The following ANKRD30A variants were observed in gnomAD, a reference collection of about 807,000 sequenced individuals.
ANKRD30A encodes ankyrin repeat domain 30A.
ANKRD30A carries 170 observed loss-of-function variants against 166.3 expected under a neutral mutation model. The observed-to-expected ratio is 1.02, with a 90% confidence interval of 0.90 to 1.16. The LOEUF (loss-of-function observed/expected upper bound fraction) is 1.16, where lower values mean the gene tolerates loss of function less well. ANKRD30A is among the 50% of genes most tolerant of loss of function. The pLI is 0.00. For missense variants in ANKRD30A, 1,630 were observed against 1,518.0 expected, an observed-to-expected ratio of 1.07 and a Z score of -1.23; for synonymous variants, 564 against 508.9, an observed-to-expected ratio of 1.11 and a Z score of -1.46.
chr10:37,249,733 T>G, the ANKRD30A span, among the ~76,000 whole-genome samples: 1 of 151,858 alleles, frequency 6.6e-6, no homozygotes, highest in African/African-American at 2.4e-5. Context: ...ACTTAAAGGG[T>G]GGAAGATGGG....
chr10:37,151,985 T>C, intron 11 of ANKRD30A, 75 bp from the exon 12 acceptor site: 1 of 1,327,256 alleles, frequency 7.5e-7, no homozygotes, highest in African/African-American at 1.5e-5. Context: ...TGAATGAAAG[T>C]AGATTTGTAT....
At chr10:37,223,555 G>A (rs1471565222) in intron 34 of ANKRD30A, among the ~76,000 whole-genome samples, 2 of 151,292 alleles carry the variant, frequency 1.3e-5, no homozygotes, top group Non-Finnish European at 3.0e-5. Flanking sequence ...CTTATTGTTA[G>A]CATTTAGTAT....
chr10:37,262,280 A>T, the ANKRD30A span, among the ~76,000 whole-genome samples: 3 of 152,170 alleles, frequency 2.0e-5, no homozygotes, highest in Non-Finnish European at 2.9e-5. Flanking sequence ...CCATCACTAG[A>T]TTGAGAGCTC....
the ANKRD30A span, among the ~76,000 whole-genome samples, chr10:37,257,083 G>A: frequency 2.6e-5 from 4 of 152,046 alleles, no homozygotes; most frequent in South Asian, 4.2e-4. Flanking sequence ...CTTGTTATGG[G>A]TCTATTCAGG....
chr10:37,191,541 G>C (rs1840578389), intron 25 of ANKRD30A, among the ~76,000 whole-genome samples: 1 of 151,852 alleles, frequency 6.6e-6, no homozygotes, highest in South Asian at 2.1e-4. Context: ...GTCATGATTT[G>C]CTCCTGTGAT....
At position 37,201,256 on chromosome 10, in the gene ANKRD30A, C is replaced by A; in HGVS notation, c.2800C>A (p.Gln934Lys). 6.3e-7 allele frequency: 1 copy of A among 1,585,612 alleles called. No individual in the cohort carries two copies. The highest frequency in any genetic ancestry group is 8.6e-7 in the Non-Finnish European group (1 of 1,168,916). Residue 934 changes from glutamine to lysine, a missense_variant, in exon 31 of 36, where the codon CAG (glutamine) becomes AAG (lysine). Gln to Lys is a moderately conservative substitution (Grantham distance 53, BLOSUM62 1). Around this residue, in one of 4 missense-constraint regions of ANKRD30A, gnomAD observed 712 missense variants for 629.3 expected, o/e 1.13. Coordinates refer to ENST00000361713, the MANE Select transcript of ANKRD30A (RefSeq NM_052997.3). ...ACAGAGTCTCCGTGAGACTGTTTCA[C>A]AGAAGGATGTGTGTGTACCCAAGGC... ...DSESLRETVS[Q>K]KDVCVPKATH...
At chr10:37,138,703 G>A (rs1564473173) in intron 6 of ANKRD30A, among the ~76,000 whole-genome samples, 2 of 152,164 alleles carry the variant, frequency 1.3e-5, no homozygotes, top group Non-Finnish European at 2.9e-5. Flanking sequence ...AATGAACAAA[G>A]CCTCCAAGAC....
At chr10:37,252,815 G>A in the ANKRD30A span, among the ~76,000 whole-genome samples, 21 of 151,924 alleles carry the variant, frequency 1.4e-4, no homozygotes, top group Non-Finnish European at 2.8e-4. Flanking sequence ...TATATGTAAG[G>A]TGCTTAAAAC....
At chr10:37,147,982 A>G (rs796521805) in intron 9 of ANKRD30A, among the ~76,000 whole-genome samples, 5 of 132,928 alleles carry the variant, frequency 3.8e-5, no homozygotes, top group Non-Finnish European at 6.8e-5. Context: ...AGCATGCAGA[A>G]TTGTGTTTTA....
chr10:37,192,964 C>T (rs1203023862), intron 25 of ANKRD30A, 100 bp from the exon 26 acceptor site: 13 of 1,483,008 alleles, frequency 8.8e-6, no homozygotes, highest in Non-Finnish European at 1.2e-5. Flanking sequence ...CTTTTGCAAT[C>T]CAAGCATGAG....
chr10:37,222,549 C>T (rs1842946741), intron 34 of ANKRD30A, among the ~76,000 whole-genome samples: 1 of 151,172 alleles, frequency 6.6e-6, no homozygotes, highest in South Asian at 2.1e-4. Context: ...TTATGAATAA[C>T]GCTGCTGTAA....
chr10:37,191,102 G>T (rs1238572783), intron 25 of ANKRD30A, among the ~76,000 whole-genome samples: 1 of 151,690 alleles, frequency 6.6e-6, no homozygotes, highest in African/African-American at 2.4e-5. Context: ...ATATTTAAAA[G>T]TCTGTTGCAA....
Position 37,162,776 on chromosome 10 carries a change from C to A in ANKRD30A, c.1930C>A (p.Pro644Thr), listed in dbSNP as rs746632564. Residue 644 changes from proline to threonine, a missense_variant and splice_region_variant, in exon 17 of 36, where the codon CCT becomes ACT. Coordinates refer to ENST00000361713, the MANE Select transcript of ANKRD30A (RefSeq NM_052997.3). Reference protein sequence around the residue: ...EPPGKPSAFEPATEMQKSVPN... With the variant: ...EPPGKPSAFETATEMQKSVPN... ...TCATTTTGCTTCCAACCCCATTTAGCCTGCCACTGAAATGCAAAAGTCTGT... is the reference window on the plus strand; with the variant it reads ...TCATTTTGCTTCCAACCCCATTTAGACTGCCACTGAAATGCAAAAGTCTGT... 4.3e-6 allele frequency: 7 copies of A among 1,613,708 alleles called. No individual in the cohort carries two copies. In the Admixed American group the frequency reaches 1.2e-4, roughly 27 times the overall value.
intron 35 of ANKRD30A, 138 bp downstream of exon 35, chr10:37,231,818 A>G (rs963838235): frequency 1.2e-5 from 2 of 173,784 alleles, no homozygotes; most frequent in African/African-American, 4.7e-5. Context: ...AAAGAAAGAA[A>G]ACAGAAATTT....
Position 37,125,879 on chromosome 10 carries a change from C to G in ANKRD30A, c.92C>G (p.Ser31Cys), listed in dbSNP as rs919123593. The G allele has an allele frequency of 5.9e-6, 9 of 1,532,410 alleles. No homozygotes were observed. Among genetic ancestry groups the G allele is most frequent in the Non-Finnish European group, 8.1e-6 (9 of 1,110,358 alleles). 94.9% of individuals were successfully genotyped at this position (1,532,410 alleles called of 1,614,324 possible). Residue 31 changes from serine to cysteine, a missense_variant, in exon 1 of 36, where the codon TCC becomes TGC. Ser to Cys is a moderately radical substitution (Grantham distance 112). Transcript: ENST00000361713. ...FSQLVYTSND[S>C]YIVHSGDLRK... Reference sequence around the variant, plus strand: ...CAGCTAGTCTATACCAGCAACGACTCCTACATCGTCCACTCTGGGGATCTT... The same window carrying G: ...CAGCTAGTCTATACCAGCAACGACTGCTACATCGTCCACTCTGGGGATCTT...
chr10:37,236,087 C>T (rs1843663597), downstream of ANKRD30A, among the ~76,000 whole-genome samples: 1 of 152,084 alleles, frequency 6.6e-6, no homozygotes, highest in Admixed American at 6.6e-5. Context: ...TTTCTTCCAG[C>T]CCTTCCTATT....
At chr10:37,149,880 G>A (rs377016392) in intron 11 of ANKRD30A, 31 bp downstream of exon 11, 248 of 1,609,716 alleles carry the variant, frequency 1.5e-4, no homozygotes, top group Non-Finnish European at 2.1e-4. Flanking sequence ...ATGCAAAGAC[G>A]AATATTTCAA....
intron 27 of ANKRD30A, among the ~76,000 whole-genome samples, chr10:37,194,041 C>G (rs1474457250): frequency 3.9e-5 from 6 of 151,976 alleles, no homozygotes; most frequent in Non-Finnish European, 7.4e-5. Flanking sequence ...CTAAACATAA[C>G]AAAAAGTAGC....
chr10:37,149,721 A>G (rs1443093889), intron 10 of ANKRD30A, 42 bp downstream of exon 10: 1 of 1,611,868 alleles, frequency 6.2e-7, no homozygotes, highest in Non-Finnish European at 8.5e-7. Context: ...CTTATTAATT[A>G]TGTATTTGTG....
Sources: gnomAD v4.1 joint callset for allele counts (sites outside exome capture counted in the v4.1 genomes callset) on GRCh38, gnomAD v4.1.1 for gene constraint, gnomAD v4.1.1 regional missense constraint, MANE v1.5 for transcripts, NCBI Gene and HGNC (gene_info 2026-07-23, HGNC 2026-07-21) for gene names.